ZFYVE9: variants seen among roughly 807,000 people sequenced by gnomAD.
ZFYVE9 encodes the protein zinc finger FYVE-type containing 9.
In ZFYVE9, 43 loss-of-function variants were observed where a neutral mutation model predicts 126.7. The observed-to-expected ratio is 0.34, with a 90% CI of 0.27 to 0.44. The LOEUF is 0.44. Ranked by LOEUF, ZFYVE9 falls within the 20% of genes least tolerant of loss-of-function variation. The probability of loss-of-function intolerance (pLI) is 1.00; values close to 1 mark genes in which losing one functional copy is unlikely to be tolerated. For synonymous variants in ZFYVE9, 521 were observed against 597.4 expected, an observed-to-expected ratio of 0.87 and a Z score of 1.87; for missense variants, 1,476 against 1,697.0, an observed-to-expected ratio of 0.87 and a Z score of 2.29.
chr1:52,184,393 ATTTTT>A (rs57242903), intron 1 of ZFYVE9, among the ~76,000 whole-genome samples: 2 of 115,072 alleles, frequency 1.7e-5, no homozygotes, highest in African/African-American at 6.9e-5. Context: ...AGTCCAGCTA[ATTTTT>A]TTTTTTTTTT....
chr1:52,313,247 C>A (rs1286926807), intron 13 of ZFYVE9, among the ~76,000 whole-genome samples: 2 of 152,142 alleles, frequency 1.3e-5, no homozygotes, highest in Non-Finnish European at 2.9e-5. Context: ...GCTATCACAC[C>A]AGTCCACCTT....
At chr1:52,316,165 CAAAAAAAAAAA>C (rs367815611) in intron 13 of ZFYVE9, among the ~76,000 whole-genome samples, 32 of 39,220 alleles carry the variant, frequency 8.2e-4, no homozygotes, top group South Asian at 6.1e-3. Context: ...AACTCCATCT[CAAAAAAAAAAA>C]AAAAAAAAAA....
chr1:52,295,753 C>A, intron 11 of ZFYVE9, 142 bp from the exon 12 acceptor site: 1 of 614,538 alleles, frequency 1.6e-6, no homozygotes, highest in Non-Finnish European at 2.8e-6. Context: ...TGCTACCATG[C>A]CAAATACTTT....
In ZFYVE9 at chr1:52,181,443, C is replaced by T. The variant is rs543136591; in HGVS notation, c.-142-34926C>T. Among the ~76,000 whole-genome samples, 224 of 152,352 alleles carry T rather than the reference C, an allele frequency of 1.5e-3. 1 individual carries two copies. Among genetic ancestry groups the T allele is most frequent in the African/African-American group, 5.3e-3 (220 of 41,586 alleles). ...GATCTCGGCTCGCTACAATCTCCAC[C>T]TCCCAGCCGCCTGCCTTGGCCTCCC... is the stretch of plus-strand genomic sequence containing the variant. On this transcript the variant is annotated intron_variant, in intron 1 of 18. Transcript: ENST00000287727.
At chr1:52,333,750 G>A (rs545891503) in intron 14 of ZFYVE9, among the ~76,000 whole-genome samples, 18 of 150,064 alleles carry the variant, frequency 1.2e-4, no homozygotes, top group Admixed American at 2.7e-4. Flanking sequence ...GAGCTAAGGC[G>A]TTCAAGACAA....
At chr1:52,316,929 C>T (rs187333856) in intron 13 of ZFYVE9, among the ~76,000 whole-genome samples, 72 of 152,220 alleles carry the variant, frequency 4.7e-4, no homozygotes, top group African/African-American at 1.4e-3. Context: ...CAAAATAGAC[C>T]ATTTTCTGTG....
chr1:52,145,221 T>C (rs1644295921), intron 1 of ZFYVE9, among the ~76,000 whole-genome samples: 1 of 152,232 alleles, frequency 6.6e-6, no homozygotes, highest in Non-Finnish European at 1.5e-5. Context: ...ATTGCTTATA[T>C]TGCCTGGTGA....
At chr1:52,173,144 T>C (rs1054353543) in intron 1 of ZFYVE9, among the ~76,000 whole-genome samples, 2 of 152,198 alleles carry the variant, frequency 1.3e-5, no homozygotes, top group African/African-American at 4.8e-5. Context: ...TGGTTTGTCA[T>C]AGATAGCTCT....
rs1372637886 is a variant in ZFYVE9 at position 52,254,742 on chromosome 1, G to T, written c.2179-9031G>T. 2.0e-5 allele frequency among the ~76,000 whole-genome samples: 3 copies of T among 152,104 alleles called. No homozygotes were observed. The East Asian group carries it at 5.8e-4, about 29-fold the overall frequency. ...AGCCCTTTGGGAGGCCAAGGTGAGA[G>T]GATCACTTGAGCTCAGGAGTTCGAG... On this transcript the variant is annotated intron_variant, in intron 4 of 18. Coordinates refer to ENST00000287727, the MANE Select transcript of ZFYVE9 (RefSeq NM_004799.4).
chr1:52,205,464 A>G (rs1644969576), intron 1 of ZFYVE9, among the ~76,000 whole-genome samples: 2 of 152,012 alleles, frequency 1.3e-5, no homozygotes, highest in African/African-American at 4.8e-5. Flanking sequence ...TCTGGGCTCA[A>G]GCGATCCTTC....
intron 7 of ZFYVE9, among the ~76,000 whole-genome samples, chr1:52,271,794 A>C (rs1645695204): frequency 6.6e-6 from 1 of 152,182 alleles, no homozygotes; most frequent in Non-Finnish European, 1.5e-5. Context: ...CTTTGTCCTA[A>C]GTAGAGACAG....
chr1:52,171,568 T>C lies in ZFYVE9; in HGVS notation c.-143+29165T>C, dbSNP rs568123597. On this transcript the variant is annotated intron_variant, in intron 1 of 18. Transcript: ENST00000287727. Reference sequence around the variant, plus strand: ...TTTCTAGTTCTAGATCCCTGAGGAATTGCCACACTGACTTCCACAATGGTT... The same window carrying C: ...TTTCTAGTTCTAGATCCCTGAGGAACTGCCACACTGACTTCCACAATGGTT... Among the ~76,000 whole-genome samples the C allele has an allele frequency of 7.6e-3, 1,155 of 152,348 alleles. 16 individuals are homozygous for C. Among genetic ancestry groups the C allele is most frequent in the African/African-American group, 0.026 (1,091 of 41,588 alleles).
chr1:52,158,021 T>C (rs1644419425), intron 1 of ZFYVE9, among the ~76,000 whole-genome samples: 1 of 152,224 alleles, frequency 6.6e-6, no homozygotes, highest in South Asian at 2.1e-4. Context: ...CTCTGCTATG[T>C]CAATTCAGTC....
Position 52,205,535 on chromosome 1 carries a change from A to T in ZFYVE9, c.-142-10834A>T, listed in dbSNP as rs954872124. Among the ~76,000 whole-genome samples, 301 of 142,432 alleles carry T rather than the reference A, an allele frequency of 2.1e-3. 1 individual carries two copies. Among genetic ancestry groups the T allele is most frequent in the South Asian group, 0.014 (62 of 4,438 alleles). 93.4% of individuals were successfully genotyped at this position (142,432 alleles called of 152,430 possible). A position where few individuals can be genotyped will look rare whatever the true frequency, so the allele number is the denominator to read the frequency against. On this transcript the variant is annotated intron_variant, in intron 1 of 18. Coordinates refer to ENST00000287727, the MANE Select transcript of ZFYVE9 (RefSeq NM_004799.4). ...TGCACCACCATGCCTGGCTAATTAA[A>T]TTTTTTTTTTTTTTTTAAATAGAGA...
At chr1:52,167,571 C>T (rs750959531) in intron 1 of ZFYVE9, among the ~76,000 whole-genome samples, 13 of 152,034 alleles carry the variant, frequency 8.6e-5, no homozygotes, top group Non-Finnish European at 1.6e-4. Flanking sequence ...ATGATGCCAC[C>T]GTCACTTGTA....
chr1:52,239,031 T>G lies in ZFYVE9; in HGVS notation c.1614T>G (p.Thr538=). ...TEGSGLLLNS[T]GDLMKKNYLH... is the part of the protein sequence containing the mutation. ...GGAGTGGACTACTTTTAAACAGCAC[T>G]GGTGACCTAATGAAGAAAAATTATT... Residue 538 remains threonine, a synonymous_variant, in exon 4 of 19, where the codon ACT becomes ACG. Coordinates refer to ENST00000287727, the MANE Select transcript of ZFYVE9 (RefSeq NM_004799.4). 1 of 1,614,148 alleles carries G rather than the reference T, an allele frequency of 6.2e-7. No individual in the cohort carries two copies. Among genetic ancestry groups the G allele is most frequent in the African/African-American group, 1.3e-5 (1 of 75,052 alleles).
intron 14 of ZFYVE9, 48 bp downstream of exon 14, chr1:52,332,966 G>A (rs1446534844): frequency 1.9e-6 from 3 of 1,609,460 alleles, no homozygotes; most frequent in East Asian, 2.2e-5. Context: ...AATTATACTG[G>A]ACTTGGACAG....
In ZFYVE9 at chr1:52,237,816, GA is replaced by G; in HGVS notation, c.401del (p.Lys134ArgfsTer18). The G allele has an allele frequency of 6.2e-7, 1 of 1,614,042 alleles. No homozygotes were observed. Among genetic ancestry groups the G allele is most frequent in the Non-Finnish European group, 8.5e-7 (1 of 1,179,968 alleles). ...AATGCAGTGCTGTTGAAGTGGGAGA[GA>G]AGAAATGTGGAAACCTGGCTTGTCT... ...DQCSAVEVGE[K>X]KCGNLACLPD... On this transcript the variant is annotated frameshift_variant, in exon 4 of 19. Transcript: ENST00000287727. LOFTEE classifies it high-confidence loss of function.
At chr1:52,172,243 T>G (rs547157926) in intron 1 of ZFYVE9, among the ~76,000 whole-genome samples, 134 of 152,318 alleles carry the variant, frequency 8.8e-4, no homozygotes, top group Non-Finnish European at 1.5e-3. Context: ...CCCAGCACCA[T>G]TTATTAAATA....
Sources: allele counts gnomAD v4.1 joint callset (sites outside exome capture counted in the v4.1 genomes callset), GRCh38; gene constraint gnomAD v4.1.1; transcripts MANE v1.5; gene names NCBI Gene and HGNC (gene_info 2026-07-23, HGNC 2026-07-21).